PGCKA1: variants seen among roughly 807,000 people sequenced by gnomAD.
PGCKA1 encodes PDCD10 and GCKIII kinases-associated protein 1.
the PGCKA1 span, among the ~76,000 whole-genome samples, chr4:37,548,607 A>G: frequency 2.0e-5 from 3 of 152,198 alleles, no homozygotes; most frequent in African/African-American, 7.2e-5. Context: ...AAATATGTCT[A>G]CAAGGTTTTA....
the PGCKA1 span, among the ~76,000 whole-genome samples, chr4:37,510,094 G>C: frequency 6.6e-6 from 1 of 152,156 alleles, no homozygotes; most frequent in Non-Finnish European, 1.5e-5. Context: ...AAATTTATCT[G>C]ATAGAATTCT....
chr4:37,468,404 G>T, the PGCKA1 span, among the ~76,000 whole-genome samples: 3 of 152,268 alleles, frequency 2.0e-5, no homozygotes, highest in African/African-American at 7.2e-5. Context: ...TGGCTACTTT[G>T]TCCCTTGCCT....
the PGCKA1 span, among the ~76,000 whole-genome samples, chr4:37,494,580 G>C: frequency 6.6e-6 from 1 of 151,996 alleles, no homozygotes; most frequent in Non-Finnish European, 1.5e-5. Flanking sequence ...GTGCTGCAGT[G>C]AACATATGTG....
chr4:37,471,642 C>T, the PGCKA1 span, among the ~76,000 whole-genome samples: 1 of 151,904 alleles, frequency 6.6e-6, no homozygotes, highest in Admixed American at 6.6e-5. Context: ...TGTGGAACAA[C>T]AAAGGAAAGA....
At chr4:37,463,689 T>G in the PGCKA1 span, among the ~76,000 whole-genome samples, 1 of 151,932 alleles carries the variant, frequency 6.6e-6, no homozygotes, top group African/African-American at 2.4e-5. Flanking sequence ...CAAAGGCAGA[T>G]AGAGAAGTCA....
the PGCKA1 span, among the ~76,000 whole-genome samples, chr4:37,496,034 C>T: frequency 6.6e-6 from 1 of 152,102 alleles, no homozygotes; most frequent in Non-Finnish European, 1.5e-5. Flanking sequence ...GTTCTATAGA[C>T]AATCCATAAC....
the PGCKA1 span, among the ~76,000 whole-genome samples, chr4:37,496,006 A>T: frequency 6.6e-6 from 1 of 152,166 alleles, no homozygotes; most frequent in Non-Finnish European, 1.5e-5. Context: ...GTTGGCAAAA[A>T]AATTTTTTTT....
the PGCKA1 span, among the ~76,000 whole-genome samples, chr4:37,573,334 A>T: frequency 6.6e-6 from 1 of 152,188 alleles, no homozygotes; most frequent in African/African-American, 2.4e-5. Context: ...CCCTAAGAAG[A>T]AGCATTATCC....
chr4:37,569,728 G>A, the PGCKA1 span, among the ~76,000 whole-genome samples: 1 of 152,060 alleles, frequency 6.6e-6, no homozygotes, highest in Non-Finnish European at 1.5e-5. Flanking sequence ...GAAATAATCG[G>A]GTTAAACAGA....
chr4:37,589,738 T>G, the PGCKA1 span, among the ~76,000 whole-genome samples: 2 of 152,144 alleles, frequency 1.3e-5, no homozygotes, highest in Non-Finnish European at 2.9e-5. Flanking sequence ...TTCAAGCGAT[T>G]CTCCTATCTC....
the PGCKA1 span, among the ~76,000 whole-genome samples, chr4:37,503,862 C>A: frequency 6.6e-6 from 1 of 152,088 alleles, no homozygotes; most frequent in Non-Finnish European, 1.5e-5. Context: ...TAATCCCTTG[C>A]CAGATGGGGT....
chr4:37,476,427 C>T, the PGCKA1 span, among the ~76,000 whole-genome samples: 1 of 152,180 alleles, frequency 6.6e-6, no homozygotes, highest in African/African-American at 2.4e-5. Context: ...CATATCCCTT[C>T]AGCATCTTCA....
At chr4:37,546,171 A>G in the PGCKA1 span, among the ~76,000 whole-genome samples, 1 of 152,222 alleles carries the variant, frequency 6.6e-6, no homozygotes, top group Admixed American at 6.5e-5. Flanking sequence ...AATCCTAACT[A>G]CTGTCTGAAA....
chr4:37,497,966 C>T, the PGCKA1 span, among the ~76,000 whole-genome samples: 1 of 152,018 alleles, frequency 6.6e-6, no homozygotes, highest in African/African-American at 2.4e-5. Flanking sequence ...AAGCCAATGT[C>T]TAGAAGGGTT....
chr4:37,472,403 A>G, the PGCKA1 span, among the ~76,000 whole-genome samples: 2 of 152,196 alleles, frequency 1.3e-5, no homozygotes, highest in African/African-American at 4.8e-5. Flanking sequence ...AAGTGGGGGT[A>G]AGGGGTGTTG....
At chr4:37,477,500 T>C in the PGCKA1 span, among the ~76,000 whole-genome samples, 3 of 152,020 alleles carry the variant, frequency 2.0e-5, no homozygotes, top group African/African-American at 7.2e-5. Context: ...ACTCTGAATA[T>C]GCAAAAAAAA....
At chr4:37,565,216 G>A in the PGCKA1 span, among the ~76,000 whole-genome samples, 1 of 152,142 alleles carries the variant, frequency 6.6e-6, no homozygotes, top group East Asian at 1.9e-4. Flanking sequence ...TTTCATTCTA[G>A]TCATTCACAC....
At chr4:37,575,825 A>G in the PGCKA1 span, among the ~76,000 whole-genome samples, 2 of 152,152 alleles carry the variant, frequency 1.3e-5, no homozygotes, top group South Asian at 4.1e-4. Context: ...ATGAATATCT[A>G]GTTTTCCCAG....
At chr4:37,497,873 TGTTTA>T in the PGCKA1 span, among the ~76,000 whole-genome samples, 2 of 152,214 alleles carry the variant, frequency 1.3e-5, no homozygotes, top group South Asian at 4.1e-4. Context: ...ATGCAAAAGC[TGTTTA>T]GTTTAATTAG....
Sources: gnomAD v4.1 joint callset for allele counts (sites outside exome capture counted in the v4.1 genomes callset) on GRCh38, gnomAD v4.1.1 for gene constraint, MANE v1.5 for transcripts, NCBI Gene and HGNC (gene_info 2026-07-23, HGNC 2026-07-21) for gene names.